MRAP2: variants seen among roughly 807,000 people sequenced by gnomAD.
MRAP2 encodes melanocortin-2 receptor accessory protein 2.
MRAP2 carries 20 observed loss-of-function variants against 17.4 expected under a neutral mutation model. That is an observed-to-expected ratio of 1.15 (90% CI 0.81 to 1.67). The LOEUF (loss-of-function observed/expected upper bound fraction) is 1.67. MRAP2 is among the 40% of genes most tolerant of loss of function. MRAP2 has a pLI of 0.00. For synonymous variants in MRAP2, 96 were observed against 88.4 expected (o/e 1.09, Z -0.48); for missense variants, 238 against 240.0 (o/e 0.99, Z 0.05).
Position 84,074,190 on chromosome 6 carries a change from G to A in MRAP2, c.227+11198G>A, listed in dbSNP as rs1004132451. On this transcript the variant is annotated intron_variant, in intron 3 of 3. Coordinates refer to ENST00000257776, the MANE Select transcript of MRAP2 (RefSeq NM_138409.4). ...AGCGTTATATCTACACTTTCAAAAT[G>A]TTGCCTTATTCTATCCCAGCTTCAC... Among the ~76,000 whole-genome samples, 3 of 152,156 alleles carry A rather than the reference G, an allele frequency of 2.0e-5. No homozygotes were observed. The East Asian group carries it at 5.8e-4, about 29-fold the overall frequency.
the MRAP2 span, among the ~76,000 whole-genome samples, chr6:84,140,491 C>T: frequency 4.7e-4 from 71 of 152,128 alleles, no homozygotes; most frequent in Non-Finnish European, 7.1e-4. Context: ...AGGAAGCCTC[C>T]GGCAACCATG....
At chr6:84,058,451 G>A (rs1013180402) in intron 2 of MRAP2, among the ~76,000 whole-genome samples, 3 of 152,196 alleles carry the variant, frequency 2.0e-5, no homozygotes, top group Non-Finnish European at 4.4e-5. Flanking sequence ...ACTGAGAGGG[G>A]GAAGAGTATG....
chr6:84,129,247 G>A, the MRAP2 span, among the ~76,000 whole-genome samples: 2 of 152,144 alleles, frequency 1.3e-5, no homozygotes, highest in South Asian at 4.1e-4. Flanking sequence ...TCTAGTTCTA[G>A]ATCCTTGAGG....
intron 2 of MRAP2, among the ~76,000 whole-genome samples, chr6:84,059,441 C>T (rs544394866): frequency 2.0e-5 from 3 of 152,326 alleles, no homozygotes; most frequent in South Asian, 2.1e-4. Flanking sequence ...TCATGAACCT[C>T]TCTTTCAAGT....
At chr6:84,117,896 T>G in the MRAP2 span, among the ~76,000 whole-genome samples, 2 of 152,210 alleles carry the variant, frequency 1.3e-5, no homozygotes, top group Non-Finnish European at 2.9e-5. Context: ...TTGGGCCGAA[T>G]GCACCTGTAG....
Position 84,089,611 on chromosome 6 carries a change from GAA to G in MRAP2, c.*131_*132del. The G allele has an allele frequency of 9.3e-7, 1 of 1,078,010 alleles. No homozygotes were observed. The highest frequency in any genetic ancestry group is 1.3e-6 in the Non-Finnish European group (1 of 755,226). The allele number at this position is 1,078,010 out of a possible 1,614,324, so 66.8% of individuals were successfully genotyped here. On this transcript the variant is annotated 3_prime_UTR_variant, in exon 4 of 4. Transcript: ENST00000257776. ...ATAGAGATAGAGACAGAGAGGCAGA[GAA>G]GAGACCCCTTTAGAAGAGAGCTGAG...
At chr6:84,077,731 G>T (rs913036825) in intron 3 of MRAP2, among the ~76,000 whole-genome samples, 7 of 152,030 alleles carry the variant, frequency 4.6e-5, no homozygotes, top group African/African-American at 1.7e-4. Flanking sequence ...AAGGTCAATT[G>T]AAAGAAAAAT....
At chr6:84,037,743 C>T (rs148658055) in intron 1 of MRAP2, among the ~76,000 whole-genome samples, 4,073 of 152,256 alleles carry the variant, frequency 0.027, 169 homozygotes, top group African/African-American at 0.092. Context: ...CCCCTCACTG[C>T]CCAGGGCTGG....
rs113837809 is a variant in MRAP2 at position 84,075,969 on chromosome 6, G to A, written c.227+12977G>A. 6.5e-3 allele frequency among the ~76,000 whole-genome samples: 985 copies of A among 152,260 alleles called. 11 individuals are homozygous for A. Among genetic ancestry groups the A allele is most frequent in the African/African-American group, 0.023 (954 of 41,552 alleles). On this transcript the variant is annotated intron_variant, in intron 3 of 3. Coordinates refer to ENST00000257776, the MANE Select transcript of MRAP2 (RefSeq NM_138409.4). ...TGCAGATGTAGTGAGTGATTCCTGAGGAAGCCCTGTCGTTCTGAGGTATCT... is the reference window on the plus strand; with the variant it reads ...TGCAGATGTAGTGAGTGATTCCTGAAGAAGCCCTGTCGTTCTGAGGTATCT...
intron 1 of MRAP2, 108 bp downstream of exon 1, chr6:84,033,991 T>C: frequency 1.1e-6 from 1 of 884,186 alleles, no homozygotes; most frequent in Non-Finnish European, 1.4e-6. Context: ...TTGGGGGCAG[T>C]CTTTAGTTTA....
At chr6:84,124,563 T>C in the MRAP2 span, 5,161 of 166,444 alleles carry the variant, frequency 0.031, 118 homozygotes, top group Non-Finnish European at 0.049. Context: ...TAACAGACAC[T>C]GGGGACTCCA....
chr6:84,136,847 G>C, the MRAP2 span, among the ~76,000 whole-genome samples: 11 of 152,116 alleles, frequency 7.2e-5, no homozygotes, highest in Non-Finnish European at 1.2e-4. Flanking sequence ...ACTGACCTTG[G>C]GTTCAATCAC....
chr6:84,089,122 A>ATGAACAGCTTTGTGTCAGACTT lies in MRAP2; in HGVS notation c.262_283dup (p.Gly95GlufsTer15). 2 of 1,613,874 alleles carry ATGAACAGCTTTGTGTCAGACTT rather than the reference A, an allele frequency of 1.2e-6. No individual in the cohort carries two copies. Among genetic ancestry groups the ATGAACAGCTTTGTGTCAGACTT allele is most frequent in the South Asian group, 2.2e-5 (2 of 91,054 alleles). ...AGAGTCCTCAGAGAAGAGATTCAGA[A>ATGAACAGCTTTGTGTCAGACTT]TGAACAGCTTTGTGTCAGACTTTGG... is the stretch of plus-strand genomic sequence containing the variant. On this transcript the variant is annotated frameshift_variant, in exon 4 of 4. Coordinates refer to ENST00000257776, the MANE Select transcript of MRAP2 (RefSeq NM_138409.4). LOFTEE classifies it high-confidence loss of function.
chr6:84,104,398 T>G, the MRAP2 span, among the ~76,000 whole-genome samples: 1 of 152,246 alleles, frequency 6.6e-6, no homozygotes, highest in African/African-American at 2.4e-5. Flanking sequence ...ATTCGGCTCC[T>G]CATTAATTAT....
intron 3 of MRAP2, among the ~76,000 whole-genome samples, chr6:84,087,031 A>G (rs1472082210): frequency 2.0e-5 from 3 of 152,132 alleles, no homozygotes; most frequent in Non-Finnish European, 2.9e-5. Context: ...CTTTCTCCAA[A>G]TGCTTTGTGA....
intron 3 of MRAP2, among the ~76,000 whole-genome samples, chr6:84,067,517 C>T (rs558589373): frequency 1.6e-4 from 24 of 152,282 alleles, no homozygotes; most frequent in African/African-American, 5.5e-4. Context: ...GAAGTGTTCC[C>T]TGATCACCAC....
chr6:84,033,344 T>C (rs2099485035), upstream of MRAP2, among the ~76,000 whole-genome samples: 1 of 152,108 alleles, frequency 6.6e-6, no homozygotes, highest in African/African-American at 2.4e-5. Context: ...CCTGGACCAG[T>C]GGGCAGGAAG....
At chr6:84,037,103 T>C (rs1313413819) in intron 1 of MRAP2, among the ~76,000 whole-genome samples, 3 of 151,750 alleles carry the variant, frequency 2.0e-5, no homozygotes, top group Non-Finnish European at 4.4e-5. Flanking sequence ...GTTCTCTAAG[T>C]CCCCACTAGA....
chr6:84,054,727 C>T (rs2099491275), intron 1 of MRAP2, among the ~76,000 whole-genome samples: 1 of 152,170 alleles, frequency 6.6e-6, no homozygotes, highest in Non-Finnish European at 1.5e-5. Flanking sequence ...TCTTACAGAA[C>T]TCTCTGTCCT....
Sources: gnomAD v4.1 joint callset for allele counts (sites outside exome capture counted in the v4.1 genomes callset) on GRCh38, gnomAD v4.1.1 for gene constraint, MANE v1.5 for transcripts, NCBI Gene and HGNC (gene_info 2026-07-23, HGNC 2026-07-21) for gene names.